Variants in PPP1R12B observed in about 807,000 individuals in gnomAD.
The protein encoded by PPP1R12B is myosin phosphatase target subunit 2.
A neutral mutation model predicts 126.1 loss-of-function variants in PPP1R12B; 76 were observed. That is an observed-to-expected ratio of 0.60 (90% confidence interval 0.50 to 0.73). PPP1R12B has a LOEUF of 0.73. Among genes scored for constraint, PPP1R12B ranks in the 30% least tolerant of loss-of-function variants. PPP1R12B has a pLI of 0.00. For missense variants in PPP1R12B, 1,052 were observed against 1,205.1 expected (o/e 0.87, Z 1.88); for synonymous variants, 356 against 434.7 (o/e 0.82, Z 2.25).
At position 202,449,104 on chromosome 1, in the gene PPP1R12B, G is replaced by C. The variant is rs1292244317; in HGVS notation, c.1783G>C (p.Val595Leu). Residue 595 changes from valine to leucine, a missense_variant, in exon 13 of 24, where the codon GTT becomes CTT. Coordinates refer to ENST00000608999, the MANE Select transcript of PPP1R12B (RefSeq NM_002481.4). ...NRPLPSTANG[V>L]TATPVLSITG... Reference sequence around the variant, plus strand: ...CCCTCTTCCTAGCACTGCCAATGGGGTTACAGCTACTCCTGTGCTCTCCAT... The same window carrying C: ...CCCTCTTCCTAGCACTGCCAATGGGCTTACAGCTACTCCTGTGCTCTCCAT... The C allele has an allele frequency of 6.2e-7, 1 of 1,613,784 alleles. No individual in the cohort carries two copies. Among genetic ancestry groups the C allele is most frequent in the Admixed American group, 1.7e-5 (1 of 59,988 alleles).
intron 18 of PPP1R12B, among the ~76,000 whole-genome samples, chr1:202,511,202 TAC>T (rs1159786042): frequency 2.0e-5 from 3 of 151,020 alleles, no homozygotes; most frequent in Non-Finnish European, 4.4e-5. Flanking sequence ...GCAAGCAGTG[TAC>T]ACTGTACCCA....
chr1:202,495,750 AAAAG>A lies in PPP1R12B; in HGVS notation c.2448+74_2448+77del. 8.5e-6 allele frequency: 12 copies of A among 1,404,662 alleles called. No homozygotes were observed. The South Asian group carries it at 1.4e-4, about 16-fold the overall frequency. The allele number at this position is 1,404,662 out of a possible 1,614,324, so 87.0% of individuals were successfully genotyped here. A position where few individuals can be genotyped will look rare whatever the true frequency, so the allele number is the denominator to read the frequency against. ...GGTCACCATTCTTTCAGTTGAGTTT[AAAAG>A]AAAGAGTCCCGCATGGTGCCATGAA... On this transcript the variant is annotated intron_variant, in intron 17 of 23. Transcript: ENST00000608999.
chr1:202,425,796 T>C, intron 4 of PPP1R12B, 71 bp downstream of exon 4: 1 of 1,428,940 alleles, frequency 7.0e-7, no homozygotes, highest in South Asian at 1.3e-5. Flanking sequence ...AAGCAGAGGC[T>C]GAATTAGATT....
intron 9 of PPP1R12B, 145 bp from the exon 10 acceptor site, chr1:202,437,676 G>T (rs1380016941): frequency 2.3e-4 from 166 of 718,102 alleles, no homozygotes; most frequent in African/African-American, 2.1e-3. Context: ...GAGGGAACAT[G>T]GGCAGAAAGA....
intron 21 of PPP1R12B, among the ~76,000 whole-genome samples, chr1:202,566,072 A>T (rs138280258): frequency 1.1e-3 from 166 of 152,328 alleles, no homozygotes; most frequent in Middle Eastern, 3.4e-3. Flanking sequence ...TCATGTGAGG[A>T]ACCACAGGAA....
chr1:202,453,706 A>G (rs1292993721), intron 13 of PPP1R12B, among the ~76,000 whole-genome samples: 1 of 114,696 alleles, frequency 8.7e-6, no homozygotes, highest in African/African-American at 2.9e-5. Flanking sequence ...TTATAAAGAC[A>G]CTTTTTTTTT....
intron 8 of PPP1R12B, among the ~76,000 whole-genome samples, chr1:202,432,842 G>T (rs1418575482): frequency 6.6e-6 from 1 of 152,196 alleles, no homozygotes; most frequent in East Asian, 1.9e-4. Flanking sequence ...TCTGAACTCT[G>T]CCATGGCTGG....
At chr1:202,356,716 G>A (rs1322363457) in intron 1 of PPP1R12B, among the ~76,000 whole-genome samples, 1 of 151,998 alleles carries the variant, frequency 6.6e-6, no homozygotes, top group East Asian at 1.9e-4. Context: ...GTGGACCCTA[G>A]AAGCTGAAAA....
rs3835589 is a variant in PPP1R12B, at chr1:202,418,472, C to CT, written c.422+1567dup. On this transcript the variant is annotated intron_variant, in intron 2 of 23. Coordinates refer to ENST00000608999, the MANE Select transcript of PPP1R12B (RefSeq NM_002481.4). The stretch of plus-strand genomic sequence containing the variant: ...TAAATACAGAGAATGATTATAATTG[C>CT]TTTTTTTTTTTTACAGTGATTTCTT... Among the ~76,000 whole-genome samples, 622 of 148,256 alleles carry CT rather than the reference C, an allele frequency of 4.2e-3. 3 individuals carry two copies. The highest frequency in any genetic ancestry group is 0.012 in the African/African-American group (477 of 40,230).
intron 8 of PPP1R12B, 58 bp downstream of exon 8, chr1:202,431,677 T>C: frequency 6.7e-7 from 1 of 1,499,900 alleles, no homozygotes; most frequent in Non-Finnish European, 8.9e-7. Context: ...AGAAGATTAC[T>C]CCTTGTCAGA....
At chr1:202,519,133 G>C (rs1379670656) in intron 18 of PPP1R12B, among the ~76,000 whole-genome samples, 3 of 152,040 alleles carry the variant, frequency 2.0e-5, no homozygotes, top group Non-Finnish European at 2.9e-5. Context: ...AATCAGTTTG[G>C]TTTTTTACTG....
intron 18 of PPP1R12B, among the ~76,000 whole-genome samples, chr1:202,532,435 G>A (rs935834616): frequency 6.6e-6 from 1 of 152,182 alleles, no homozygotes; most frequent in African/African-American, 2.4e-5. Context: ...TACCCAGCCC[G>A]TATTCAAGAT....
At chr1:202,478,699 C>T (rs1296080646) in intron 13 of PPP1R12B, among the ~76,000 whole-genome samples, 5 of 151,862 alleles carry the variant, frequency 3.3e-5, no homozygotes, top group African/African-American at 9.7e-5. Context: ...AGATTATCTC[C>T]ATGTGGTGGA....
intron 1 of PPP1R12B, among the ~76,000 whole-genome samples, chr1:202,375,556 T>G (rs959622998): frequency 6.6e-6 from 1 of 152,214 alleles, no homozygotes; most frequent in Admixed American, 6.5e-5. Flanking sequence ...TAACCTATAC[T>G]GTGTTTTCCC....
At chr1:202,389,175 T>A (rs1471490036) in intron 1 of PPP1R12B, among the ~76,000 whole-genome samples, 2 of 152,054 alleles carry the variant, frequency 1.3e-5, no homozygotes, top group African/African-American at 4.8e-5. Context: ...TTTTTATAAC[T>A]AGGAAGCAAG....
At chr1:202,578,629 TG>T (rs910272163) in intron 23 of PPP1R12B, among the ~76,000 whole-genome samples, 1 of 152,226 alleles carries the variant, frequency 6.6e-6, no homozygotes, top group Non-Finnish European at 1.5e-5. Context: ...GCAGATTATT[TG>T]CCTGCCCTCC....
chr1:202,569,946 G>C (rs1400081025), intron 23 of PPP1R12B, among the ~76,000 whole-genome samples: 1 of 152,192 alleles, frequency 6.6e-6, no homozygotes, highest in African/African-American at 2.4e-5. Context: ...GTGGGGCAGG[G>C]GGAGGGGAGG....
chr1:202,381,434 G>GTGTGTGTGTGTGTGTATGTA (rs71142528), intron 1 of PPP1R12B, among the ~76,000 whole-genome samples: 41 of 131,230 alleles, frequency 3.1e-4, no homozygotes, highest in African/African-American at 1.1e-3. Flanking sequence ...GTGTGTGTGT[G>GTGTGTGTGTGTGTGTATGTA]TGTATCATCC....
intron 1 of PPP1R12B, among the ~76,000 whole-genome samples, chr1:202,399,942 A>G (rs1371644554): frequency 6.6e-6 from 1 of 152,058 alleles, no homozygotes; most frequent in African/African-American, 2.4e-5. Context: ...GATTGATCCC[A>G]TCACCCAGTT....
Sources: allele counts gnomAD v4.1 joint callset (sites outside exome capture counted in the v4.1 genomes callset), GRCh38; gene constraint gnomAD v4.1.1; transcripts MANE v1.5; gene names NCBI Gene and HGNC (gene_info 2026-07-23, HGNC 2026-07-21).